Variants in DLG1 observed in about 807,000 individuals in gnomAD.
DLG1 encodes the protein discs large MAGUK scaffold protein 1, also known as disks large homolog 1.
In DLG1, 42 loss-of-function variants were observed where a neutral mutation model predicts 123.4. That is an observed-to-expected ratio of 0.34 (90% CI 0.27 to 0.44). The LOEUF (loss-of-function observed/expected upper bound fraction) is 0.44. DLG1 is among the 20% of genes least tolerant of loss of function. The pLI, the probability that DLG1 is intolerant of heterozygous loss-of-function variation, is 1.00. For synonymous variants in DLG1, 317 were observed against 356.2 expected (o/e 0.89, Z 1.24); for missense variants, 942 against 1,082.6 (o/e 0.87, Z 1.82).
chr3:197,094,386 G>A (rs527464139), intron 14 of DLG1, among the ~76,000 whole-genome samples: 6 of 152,272 alleles, frequency 3.9e-5, no homozygotes, highest in Admixed American at 2.6e-4. Flanking sequence ...ATTCAGACAC[G>A]CTTGTCCTTT....
chr3:197,220,437 AAATGT>A (rs1366624958), intron 4 of DLG1, among the ~76,000 whole-genome samples: 1 of 152,184 alleles, frequency 6.6e-6, no homozygotes, highest in African/African-American at 2.4e-5. Flanking sequence ...TTACATTCCA[AAATGT>A]AATGTACTAG....
intron 4 of DLG1, among the ~76,000 whole-genome samples, chr3:197,224,950 T>C (rs915010145): frequency 1.3e-4 from 15 of 111,824 alleles, no homozygotes; most frequent in Admixed American, 9.9e-4. Flanking sequence ...TTAAACCACA[T>C]GTTGTTTTTA....
chr3:197,087,722 T>C (rs1040505610), intron 15 of DLG1, among the ~76,000 whole-genome samples: 5 of 152,190 alleles, frequency 3.3e-5, no homozygotes, highest in Non-Finnish European at 7.4e-5. Context: ...GAGAGGGTTA[T>C]AGAAACAAGT....
intron 4 of DLG1, among the ~76,000 whole-genome samples, chr3:197,263,658 A>G (rs750129818): frequency 6.6e-6 from 1 of 152,052 alleles, no homozygotes; most frequent in Non-Finnish European, 1.5e-5. Context: ...GTGGTGGCGC[A>G]TGCCTGTAAT....
At chr3:197,110,254 T>C (rs1209367125) in intron 13 of DLG1, among the ~76,000 whole-genome samples, 4 of 152,228 alleles carry the variant, frequency 2.6e-5, no homozygotes, top group Non-Finnish European at 5.9e-5. Context: ...GATTCTTTCT[T>C]CTGCCAGCTC....
chr3:197,296,441 C>T lies in DLG1; in HGVS notation c.56G>A (p.Arg19His), dbSNP rs149422844. 6 of 1,613,338 alleles carry T rather than the reference C, an allele frequency of 3.7e-6. No homozygotes were observed. Among genetic ancestry groups the T allele is most frequent in the Non-Finnish European group, 5.1e-6 (6 of 1,179,518 alleles). The change falls in exon 3 of 25, where the codon CGT (arginine) becomes CAT (histidine). Residue 19 changes from arginine (R) to histidine (H), a missense_variant. By Grantham distance (29) the Arg-to-His change is conservative. Coordinates refer to ENST00000667157, the MANE Select transcript of DLG1 (RefSeq NM_001366207.1). ...GTCTTCAGTTTGGCTTAGTTTTGAA[C>T]GATATTCCTCCAAAAGGTGCAATGC... is the stretch of plus-strand genomic sequence containing the variant. Reference protein sequence around the residue: ...QRALHLLEEYRSKLSQTEDRQ... With the variant: ...QRALHLLEEYHSKLSQTEDRQ...
At position 197,043,300 on chromosome 3, in the gene DLG1, G is replaced by A. The variant is rs1334039702; in HGVS notation, c.*1323C>T. ...AGGAGAACTAGAAGGAAAGGGCAAG[G>A]ACCAAAATCAAACCTGATGACAAGA... On this transcript the variant is annotated 3_prime_UTR_variant, in exon 25 of 25. Transcript: ENST00000667157. 1 of 152,084 alleles carries A rather than the reference G, an allele frequency of 6.6e-6. No homozygotes were observed. The highest frequency in any genetic ancestry group is 1.5e-5 in the Non-Finnish European group (1 of 68,012). The allele number at this position is 152,084 out of a possible 1,614,324, so 9.4% of individuals were successfully genotyped here. A position where few individuals can be genotyped will look rare whatever the true frequency, so the allele number is the denominator to read the frequency against.
At chr3:197,259,665 T>C (rs1014261032) in intron 4 of DLG1, among the ~76,000 whole-genome samples, 2 of 152,106 alleles carry the variant, frequency 1.3e-5, no homozygotes, top group African/African-American at 2.4e-5. Flanking sequence ...TGCTCAAAAA[T>C]AAAAGAAGCC....
intron 14 of DLG1, among the ~76,000 whole-genome samples, chr3:197,104,303 G>A (rs1765139599): frequency 6.6e-6 from 1 of 152,120 alleles, no homozygotes; most frequent in Admixed American, 6.6e-5. Flanking sequence ...TTACAGAACA[G>A]ATTTAAAAAA....
intron 15 of DLG1, among the ~76,000 whole-genome samples, chr3:197,089,931 G>C (rs953518929): frequency 6.6e-6 from 1 of 152,042 alleles, no homozygotes; most frequent in African/African-American, 2.4e-5. Context: ...AAAGACAAAA[G>C]GAACAGAAAG....
At chr3:197,117,533 T>C (rs1439616298) in intron 12 of DLG1, among the ~76,000 whole-genome samples, 1 of 152,164 alleles carries the variant, frequency 6.6e-6, no homozygotes. Context: ...TGCTAACAAA[T>C]GAGTGTATCT....
chr3:197,190,333 GT>G (rs1404162301), intron 5 of DLG1, among the ~76,000 whole-genome samples: 1 of 152,090 alleles, frequency 6.6e-6, no homozygotes, highest in East Asian at 1.9e-4. Context: ...TCCAGGACTA[GT>G]CCCCCGTGAA....
intron 14 of DLG1, among the ~76,000 whole-genome samples, chr3:197,092,321 G>A (rs11185463): frequency 6.6e-6 from 1 of 151,980 alleles, no homozygotes; most frequent in African/African-American, 2.4e-5. Flanking sequence ...TGGTTCTCAA[G>A]ATAGTGGAGA....
intron 4 of DLG1, among the ~76,000 whole-genome samples, chr3:197,279,289 T>C (rs1419907651): frequency 6.6e-6 from 1 of 152,226 alleles, no homozygotes; most frequent in Non-Finnish European, 1.5e-5. Context: ...TCCATCAGTG[T>C]GTTTCAAAAC....
intron 4 of DLG1, among the ~76,000 whole-genome samples, chr3:197,235,465 G>C (rs1376422096): frequency 6.6e-6 from 1 of 152,158 alleles, no homozygotes; most frequent in Non-Finnish European, 1.5e-5. Context: ...CTCACAGTAA[G>C]CTGAGGAGTG....
At chr3:197,071,411 T>A (rs1239877481) in intron 18 of DLG1, among the ~76,000 whole-genome samples, 1 of 151,676 alleles carries the variant, frequency 6.6e-6, no homozygotes, top group African/African-American at 2.4e-5. Context: ...GTCTTTTTTT[T>A]TTTTTTTTGA....
At chr3:197,284,008 G>A (rs891419421) in intron 3 of DLG1, among the ~76,000 whole-genome samples, 7 of 151,712 alleles carry the variant, frequency 4.6e-5, no homozygotes, top group African/African-American at 4.8e-5. Context: ...CTTCAGGCAC[G>A]TGCCACCATG....
In DLG1 at chr3:197,133,381, A is replaced by G. The variant is rs975787461; in HGVS notation, c.1021-2710T>C. ...ACTTGCCCACCATATGTGTCAGCCA[A>G]CCTAACAGTGGATTTTGTGGCCTAG... On this transcript the variant is annotated intron_variant, in intron 10 of 24. Coordinates refer to ENST00000667157, the MANE Select transcript of DLG1 (RefSeq NM_001366207.1). Among the ~76,000 whole-genome samples, 5 of 152,306 alleles carry G rather than the reference A, an allele frequency of 3.3e-5. No individual in the cohort carries two copies. The East Asian group carries it at 9.6e-4, about 29-fold the overall frequency.
At chr3:197,251,359 C>A (rs984678138) in intron 4 of DLG1, among the ~76,000 whole-genome samples, 3 of 152,018 alleles carry the variant, frequency 2.0e-5, no homozygotes, top group Non-Finnish European at 4.4e-5. Context: ...AGGCAAAGAA[C>A]AAAGCTGGAG....
Sources: allele counts gnomAD v4.1 joint callset (sites outside exome capture counted in the v4.1 genomes callset), GRCh38; gene constraint gnomAD v4.1.1; transcripts MANE v1.5; gene names NCBI Gene and HGNC (gene_info 2026-07-23, HGNC 2026-07-21).